Variants in TRPC3 observed in about 807,000 individuals in gnomAD.
TRPC3 encodes transient receptor potential cation channel subfamily C member 3, also known as short transient receptor potential channel 3.
Under a neutral mutation model 90.9 loss-of-function variants are expected in TRPC3, and 54 were observed. The ratio of observed to expected loss-of-function variants is 0.59; its 90% CI spans 0.48 to 0.75. TRPC3 has a LOEUF of 0.75. Ranked by LOEUF, TRPC3 falls within the 30% of genes least tolerant of loss-of-function variation. The pLI is 0.00. For missense variants in TRPC3, 918 were observed against 1,194.5 expected (o/e 0.77, Z 3.41); for synonymous variants, 424 against 450.9 (o/e 0.94, Z 0.75).
Position 121,911,903 on chromosome 4 carries a change from T to A in TRPC3, c.1532A>T (p.Glu511Val). 1.2e-6 allele frequency: 2 copies of A among 1,613,654 alleles called. No individual in the cohort carries two copies. The highest frequency in any genetic ancestry group is 2.7e-5 in the African/African-American group (2 of 75,024). Reference protein sequence around the residue: ...RVKTTQFTWTEMLIMVWVLGM... With the variant: ...RVKTTQFTWTVMLIMVWVLGM... ...AAGAACCCAGACCATAATTAGCATT[T>A]CAGTCCATGTAAACTGGGTGGTTTT... Residue 511 changes from glutamate (E) to valine (V), a missense_variant, in exon 5 of 12, where the codon GAA becomes GTA. Glu to Val is a moderately radical substitution (Grantham distance 121, BLOSUM62 -2). Around this residue, in one of 4 missense-constraint regions of TRPC3, gnomAD observed 609 missense variants for 725.9 expected, o/e 0.84. Transcript: ENST00000379645.
chr4:121,951,356 T>G lies in TRPC3; in HGVS notation c.215+110A>C. The G allele has an allele frequency of 1.5e-6, 1 of 656,764 alleles. No homozygotes were observed. Among genetic ancestry groups the G allele is most frequent in the Non-Finnish European group, 2.0e-6 (1 of 499,562 alleles). 40.7% of individuals were successfully genotyped at this position (656,764 alleles called of 1,614,324 possible). A position where few individuals can be genotyped will look rare whatever the true frequency, so the allele number is the denominator to read the frequency against. Reference sequence around the variant, plus strand: ...AATCGAACTGCCTGGCCGTACCATGTGGGTCTCGGAGGTCCCGGGCTCGAC... The same window carrying G: ...AATCGAACTGCCTGGCCGTACCATGGGGGTCTCGGAGGTCCCGGGCTCGAC... On this transcript the variant is annotated intron_variant, in intron 1 of 11. Coordinates refer to ENST00000379645, the MANE Select transcript of TRPC3 (RefSeq NM_001130698.2). This position sits in a 1 kb window ranked among gnomAD's most constrained non-coding sequence, Gnocchi z 4.4.
chr4:121,881,895 A>G lies in TRPC3; in HGVS notation c.2623+459T>C, dbSNP rs185242825. Among the ~76,000 whole-genome samples the G allele has an allele frequency of 1.7e-3, 256 of 152,302 alleles. 1 individual carries two copies. The highest frequency in any genetic ancestry group is 1.0e-3 in the Non-Finnish European group (70 of 68,014). ...GGCAGGGGGGAAAGTGAAATTCAAA[A>G]GAGACGCACCAGACAAGAAAAACAG... is the stretch of plus-strand genomic sequence containing the variant. On this transcript the variant is annotated intron_variant, in intron 11 of 11. Transcript: ENST00000379645.
intron 5 of TRPC3, among the ~76,000 whole-genome samples, chr4:121,911,339 T>C (rs1729081378): frequency 6.6e-6 from 1 of 152,194 alleles, no homozygotes; most frequent in Admixed American, 6.5e-5. Context: ...AAATTCTTAT[T>C]TTAACACAGC....
At chr4:121,890,355 G>A (rs1197451651) in intron 10 of TRPC3, among the ~76,000 whole-genome samples, 1 of 152,108 alleles carries the variant, frequency 6.6e-6, no homozygotes, top group African/African-American at 2.4e-5. Flanking sequence ...AAATGAACAA[G>A]GTGATGAACA....
chr4:121,951,437 C>T lies in TRPC3; in HGVS notation c.215+29G>A. On this transcript the variant is annotated intron_variant, in intron 1 of 11. Transcript: ENST00000379645. This position sits in a 1 kb window ranked among gnomAD's most constrained non-coding sequence, Gnocchi z 4.4. The stretch of plus-strand genomic sequence containing the variant: ...CCCCGCCCGGCACCGCCCTCCGAGG[C>T]GCGGGCCGCGGCCGGGCCCGGTACT... The T allele has an allele frequency of 8.4e-7, 1 of 1,185,614 alleles. No homozygotes were observed. The highest frequency in any genetic ancestry group is 1.0e-6 in the Non-Finnish European group (1 of 957,436). The allele number at this position is 1,185,614 out of a possible 1,614,324, so 73.4% of individuals were successfully genotyped here. A position where few individuals can be genotyped will look rare whatever the true frequency, so the allele number is the denominator to read the frequency against.
At chr4:121,887,409 T>G (rs1166167390) in intron 10 of TRPC3, among the ~76,000 whole-genome samples, 1 of 152,222 alleles carries the variant, frequency 6.6e-6, no homozygotes, top group Non-Finnish European at 1.5e-5. Flanking sequence ...TCTTTGTATC[T>G]GTATAACCTA....
At chr4:121,934,984 A>T (rs2149144805) in intron 1 of TRPC3, among the ~76,000 whole-genome samples, 1 of 152,320 alleles carries the variant, frequency 6.6e-6, no homozygotes, top group South Asian at 2.1e-4. Context: ...AAATAAACAT[A>T]TTTGTTTTAT....
At position 121,907,352 on chromosome 4, in the gene TRPC3, T is replaced by C. The variant is rs748829521; in HGVS notation, c.2008A>G (p.Ile670Val). The change falls in exon 7 of 12, where the codon ATA (isoleucine) becomes GTA (valine). Residue 670 changes from isoleucine (I) to valine (V), a missense_variant. By Grantham distance (29) the Ile-to-Val change is conservative (BLOSUM62 3). Around this residue, in one of 4 missense-constraint regions of TRPC3, gnomAD observed 147 missense variants for 263.5 expected, o/e 0.56. Transcript: ENST00000379645. ...GCCCCAAGGTAGTAAGAATAAAGTA[T>C]GAACATGCCAATCATAAAGGCAAAA... is the stretch of plus-strand genomic sequence containing the variant. Reference protein sequence around the residue: ...VFFAFMIGMFILYSYYLGAKV... With the variant: ...VFFAFMIGMFVLYSYYLGAKV... 4 of 1,613,122 alleles carry C rather than the reference T, an allele frequency of 2.5e-6. No individual in the cohort carries two copies. Among genetic ancestry groups the C allele is most frequent in the Non-Finnish European group, 3.4e-6 (4 of 1,179,374 alleles).
At chr4:121,936,397 A>G (rs555132565) in intron 1 of TRPC3, among the ~76,000 whole-genome samples, 2 of 152,346 alleles carry the variant, frequency 1.3e-5, no homozygotes, top group African/African-American at 4.8e-5. Context: ...TCTTCATCCA[A>G]TGGGTCATTC....
chr4:121,928,241 TA>T (rs370944896), intron 2 of TRPC3, among the ~76,000 whole-genome samples: 3 of 152,314 alleles, frequency 2.0e-5, no homozygotes, highest in Admixed American at 1.3e-4. Context: ...TCAATAAAGA[TA>T]AAAAAACTGA....
chr4:121,951,798 CGG>C lies in TRPC3; in HGVS notation c.-120_-119del. ...CTCCCGCGGCTTCCGGGGCCCCGGG[CGG>C]CCCAGGGCGGGAAGGCAGGAGCGGA... On this transcript the variant is annotated 5_prime_UTR_variant, in exon 1 of 12. Coordinates refer to ENST00000379645, the MANE Select transcript of TRPC3 (RefSeq NM_001130698.2). This position sits in a 1 kb window ranked among gnomAD's most constrained non-coding sequence, Gnocchi z 4.4. The C allele has an allele frequency of 2.6e-6, 2 of 771,288 alleles. No homozygotes were observed. The highest frequency in any genetic ancestry group is 3.6e-6 in the Non-Finnish European group (2 of 552,978). 47.8% of individuals were successfully genotyped at this position (771,288 alleles called of 1,614,324 possible).
intron 10 of TRPC3, among the ~76,000 whole-genome samples, chr4:121,895,813 A>G (rs1728499459): frequency 1.3e-5 from 2 of 152,174 alleles, no homozygotes; most frequent in South Asian, 4.1e-4. Context: ...AAAAAATTAA[A>G]GCAGAAGGAA....
intron 11 of TRPC3, among the ~76,000 whole-genome samples, chr4:121,881,015 T>A (rs1727922834): frequency 6.6e-6 from 1 of 151,336 alleles, no homozygotes; most frequent in Non-Finnish European, 1.5e-5. Context: ...AATAAACTGA[T>A]CTTATTTGAA....
In TRPC3 at chr4:121,932,005, T is replaced by C. The variant is rs1392546824; in HGVS notation, c.987+266A>G. On this transcript the variant is annotated intron_variant, in intron 2 of 11. Transcript: ENST00000379645. This position sits in a 1 kb window ranked among gnomAD's most constrained non-coding sequence, Gnocchi z 7.7. ...AAAGGGGAGAAATCTTGAGTTTTATTTAATGCTTACCCAACACAGAGCGGC... is the reference window on the plus strand; with the variant it reads ...AAAGGGGAGAAATCTTGAGTTTTATCTAATGCTTACCCAACACAGAGCGGC... 6.6e-6 allele frequency among the ~76,000 whole-genome samples: 1 copy of C among 152,174 alleles called. No individual in the cohort carries two copies. The highest frequency in any genetic ancestry group is 1.9e-4 in the East Asian group (1 of 5,200).
intron 3 of TRPC3, among the ~76,000 whole-genome samples, chr4:121,924,222 A>G (rs1729623691): frequency 6.6e-6 from 1 of 152,226 alleles, no homozygotes; most frequent in African/African-American, 2.4e-5. Context: ...GAATAATAAC[A>G]TAGACTTGCT....
chr4:121,886,134 C>T (rs747738999), intron 10 of TRPC3, among the ~76,000 whole-genome samples: 5 of 152,062 alleles, frequency 3.3e-5, no homozygotes, highest in African/African-American at 7.2e-5. Context: ...TGGGTAGCTG[C>T]GGGGTGGTTA....
intron 1 of TRPC3, among the ~76,000 whole-genome samples, chr4:121,939,490 C>T (rs1361381697): frequency 6.6e-6 from 1 of 152,086 alleles, no homozygotes; most frequent in East Asian, 1.9e-4. Flanking sequence ...CCTGGGAGGA[C>T]AAATAAATAA....
chr4:121,920,397 G>A (rs1479740691), intron 3 of TRPC3, among the ~76,000 whole-genome samples: 4 of 152,046 alleles, frequency 2.6e-5, no homozygotes, highest in Non-Finnish European at 5.9e-5. Context: ...GATGATGGGT[G>A]CCTGTAATCC....
At chr4:121,885,978 G>A (rs1728101649) in intron 10 of TRPC3, among the ~76,000 whole-genome samples, 1 of 152,132 alleles carries the variant, frequency 6.6e-6, no homozygotes, top group Non-Finnish European at 1.5e-5. Context: ...GGAAATCCTA[G>A]AGAGAGGTTC....
Sources: allele counts gnomAD v4.1 joint callset (sites outside exome capture counted in the v4.1 genomes callset), GRCh38; gene constraint gnomAD v4.1.1; regional missense constraint gnomAD v4.1.1; non-coding constraint Gnocchi (gnomAD v3.1); transcripts MANE v1.5; gene names NCBI Gene and HGNC (gene_info 2026-07-23, HGNC 2026-07-21).